ITPRID1: variants seen among roughly 807,000 people sequenced by gnomAD.
The protein encoded by ITPRID1 is ITPR interacting domain containing 1.
Under a neutral mutation model 95.4 loss-of-function variants are expected in ITPRID1, and 96 were observed. That is an observed-to-expected ratio of 1.01 (90% CI 0.85 to 1.19). ITPRID1 has a LOEUF of 1.19. Ranked by LOEUF, ITPRID1 falls within the 50% of genes most tolerant of loss-of-function variation. ITPRID1 has a pLI of 0.00. For synonymous variants in ITPRID1, 510 were observed against 453.6 expected, an observed-to-expected ratio of 1.12 and a Z score of -1.58; for missense variants, 1,339 against 1,252.9, an observed-to-expected ratio of 1.07 and a Z score of -1.04.
At position 31,554,515 on chromosome 7, in the gene ITPRID1, T is replaced by C. The variant is rs750639860; in HGVS notation, c.204T>C (p.Ser68=). 6 of 1,612,852 alleles carry C rather than the reference T, an allele frequency of 3.7e-6. No individual in the cohort carries two copies. Among genetic ancestry groups the C allele is most frequent in the Non-Finnish European group, 5.1e-6 (6 of 1,179,398 alleles). ...KQESIQQWLD[S]GFFVSANENF... is the part of the protein sequence containing the mutation. ...AAAGTATTCAGCAGTGGCTGGACTC[T>C]GGATTCTTGTAAGTGTTTTTGTGTG... is the stretch of plus-strand genomic sequence containing the variant. Residue 68 remains serine (S), a synonymous_variant, in exon 4 of 15, where the codon TCT becomes TCC. Transcript: ENST00000615280.
At chr7:31,602,598 G>A (rs997474321) in intron 10 of ITPRID1, among the ~76,000 whole-genome samples, 1 of 152,138 alleles carries the variant, frequency 6.6e-6, no homozygotes, top group Non-Finnish European at 1.5e-5. Flanking sequence ...TTGGCTGTTT[G>A]TCGTTGGAAG....
intron 1 of ITPRID1, among the ~76,000 whole-genome samples, chr7:31,542,311 G>A (rs1185057480): frequency 2.0e-5 from 3 of 152,138 alleles, no homozygotes; most frequent in Non-Finnish European, 4.4e-5. Flanking sequence ...GTTGTGCAGC[G>A]AAGAGTCAGC....
At chr7:31,594,266 A>C (rs965556367) in intron 10 of ITPRID1, among the ~76,000 whole-genome samples, 10 of 152,178 alleles carry the variant, frequency 6.6e-5, no homozygotes, top group Non-Finnish European at 1.0e-4. Context: ...ACTCTATGAT[A>C]TTCAAACAAT....
chr7:31,626,185 T>C (rs1788451310), intron 10 of ITPRID1, among the ~76,000 whole-genome samples: 1 of 152,222 alleles, frequency 6.6e-6, no homozygotes, highest in Non-Finnish European at 1.5e-5. Flanking sequence ...TCTTTGGGCT[T>C]TCTTTTTGTA....
rs1472459427 is a variant in ITPRID1 at position 31,569,859 on chromosome 7, C to G, written c.308+50C>G. ...TCATGCCAATATTTTGCAGCCACAC[C>G]TTTGCTGAATAAAATAGAAGTAGGG... On this transcript the variant is annotated intron_variant, in intron 6 of 14. Transcript: ENST00000615280. 3 of 1,461,596 alleles carry G rather than the reference C, an allele frequency of 2.1e-6. No homozygotes were observed. In the African/African-American group the frequency reaches 4.2e-5, roughly 21 times the overall value. 90.5% of individuals were successfully genotyped at this position (1,461,596 alleles called of 1,614,324 possible).
rs561705489 is a variant in ITPRID1, at chr7:31,549,150, G to A, written c.-97-276G>A. 1.8e-4 allele frequency among the ~76,000 whole-genome samples: 27 copies of A among 152,220 alleles called. 1 individual carries two copies. In the South Asian group the frequency reaches 5.6e-3, roughly 32 times the overall value. On this transcript the variant is annotated intron_variant, in intron 1 of 14. Coordinates refer to ENST00000615280, the MANE Select transcript of ITPRID1 (RefSeq NM_001257967.3). ...AGTTTAATCAGAAATGGTGGCCAAGGCTGGAGCTACAGGCTCTAATTATAA... is the reference window on the plus strand; with the variant it reads ...AGTTTAATCAGAAATGGTGGCCAAGACTGGAGCTACAGGCTCTAATTATAA...
chr7:31,567,408 G>A (rs1332420404), intron 5 of ITPRID1, among the ~76,000 whole-genome samples: 1 of 152,124 alleles, frequency 6.6e-6, no homozygotes, highest in Non-Finnish European at 1.5e-5. Flanking sequence ...AATCTTATGT[G>A]ATAATTCCAA....
intron 1 of ITPRID1, among the ~76,000 whole-genome samples, chr7:31,545,504 G>T (rs562487546): frequency 1.3e-5 from 2 of 152,198 alleles, no homozygotes; most frequent in East Asian, 3.9e-4. Flanking sequence ...AGCAGTAGAT[G>T]AATCAGTTTA....
At chr7:31,541,281 A>G (rs1783925199) in intron 1 of ITPRID1, among the ~76,000 whole-genome samples, 2 of 152,336 alleles carry the variant, frequency 1.3e-5, no homozygotes, top group South Asian at 2.1e-4. Context: ...CCTGTCCTGC[A>G]TAATATTAAT....
At chr7:31,528,411 G>A (rs1333789592) in intron 1 of ITPRID1, among the ~76,000 whole-genome samples, 1 of 152,122 alleles carries the variant, frequency 6.6e-6, no homozygotes, top group Non-Finnish European at 1.5e-5. Flanking sequence ...TTTGTCATTA[G>A]CCTTTTTACA....
At chr7:31,614,501 A>G (rs917072076) in intron 10 of ITPRID1, among the ~76,000 whole-genome samples, 1 of 152,162 alleles carries the variant, frequency 6.6e-6, no homozygotes, top group Non-Finnish European at 1.5e-5. Flanking sequence ...CAAAAGGCAG[A>G]TATGAGAGAC....
chr7:31,534,680 A>C (rs887105539), intron 1 of ITPRID1, among the ~76,000 whole-genome samples: 1 of 152,076 alleles, frequency 6.6e-6, no homozygotes, highest in South Asian at 2.1e-4. Context: ...TAAGCAACAT[A>C]TAATTTGATT....
Position 31,637,328 on chromosome 7 carries a change from G to T in ITPRID1, c.1229-4848G>T, listed in dbSNP as rs1286778252. ...AATCGCCACACTGACTTCCACAATG[G>T]TTGAACTAGTTTACAGTCCCACCAA... is the stretch of plus-strand genomic sequence containing the variant. On this transcript the variant is annotated intron_variant, in intron 10 of 14. Transcript: ENST00000615280. Among the ~76,000 whole-genome samples, 4 of 152,238 alleles carry T rather than the reference G, an allele frequency of 2.6e-5. No homozygotes were observed. The East Asian group carries it at 7.7e-4, about 29-fold the overall frequency.
Position 31,572,403 on chromosome 7 carries a change from G to C in ITPRID1, c.395+215G>C, listed in dbSNP as rs181682511. ...TGTCAATGGGGAAATGGCCAAATGA[G>C]TGATTGGCCAGTTCATTTTACAGAA... On this transcript the variant is annotated intron_variant, in intron 7 of 14. Transcript: ENST00000615280. Among the ~76,000 whole-genome samples, 305 of 152,256 alleles carry C rather than the reference G, an allele frequency of 2.0e-3. 1 individual carries two copies. The highest frequency in any genetic ancestry group is 7.1e-3 in the African/African-American group (296 of 41,554).
rs1343000292 is a variant in ITPRID1 at position 31,598,531 on chromosome 7, G to A, written c.1228+15340G>A. Among the ~76,000 whole-genome samples the A allele has an allele frequency of 2.6e-5, 4 of 151,048 alleles. No homozygotes were observed. The East Asian group carries it at 7.9e-4, about 30-fold the overall frequency. Reference sequence around the variant, plus strand: ...CCATTCTCCTGCCTCAGCCTCCCGAGTAGCTGGGACTACAGGCGCCCGCTA... The same window carrying A: ...CCATTCTCCTGCCTCAGCCTCCCGAATAGCTGGGACTACAGGCGCCCGCTA... On this transcript the variant is annotated intron_variant, in intron 10 of 14. Coordinates refer to ENST00000615280, the MANE Select transcript of ITPRID1 (RefSeq NM_001257967.3).
intron 1 of ITPRID1, among the ~76,000 whole-genome samples, chr7:31,546,979 G>C (rs1293721076): frequency 2.6e-5 from 4 of 152,090 alleles, no homozygotes; most frequent in Non-Finnish European, 5.9e-5. Flanking sequence ...AAAGCTTTGA[G>C]GTAGGAGAAA....
chr7:31,544,711 C>G (rs961775459), intron 1 of ITPRID1, among the ~76,000 whole-genome samples: 3 of 152,216 alleles, frequency 2.0e-5, no homozygotes, highest in Middle Eastern at 3.4e-3. Context: ...TGTTTGTACA[C>G]AGTAGACACT....
At chr7:31,593,500 A>G (rs190525400) in intron 10 of ITPRID1, among the ~76,000 whole-genome samples, 141 of 152,332 alleles carry the variant, frequency 9.3e-4, no homozygotes, top group African/African-American at 3.2e-3. Context: ...AAGCTCCACA[A>G]AAATGGTAAA....
At chr7:31,593,734 C>A (rs1437476417) in intron 10 of ITPRID1, among the ~76,000 whole-genome samples, 1 of 152,088 alleles carries the variant, frequency 6.6e-6, no homozygotes, top group Non-Finnish European at 1.5e-5. Flanking sequence ...CCAATAGATT[C>A]AAATGTACAC....
Sources: gnomAD v4.1 joint callset for allele counts (sites outside exome capture counted in the v4.1 genomes callset) on GRCh38, gnomAD v4.1.1 for gene constraint, MANE v1.5 for transcripts, NCBI Gene and HGNC (gene_info 2026-07-23, HGNC 2026-07-21) for gene names.